The following CSNK2A1 variants were observed in gnomAD, a reference collection of about 807,000 sequenced individuals.
CSNK2A1 encodes casein kinase 2 alpha 1.
In CSNK2A1, 10 loss-of-function variants were observed where a neutral mutation model predicts 62.9. The ratio of observed to expected loss-of-function variants is 0.16; its 90% CI spans 0.10 to 0.27. CSNK2A1 has a LOEUF of 0.27. Among genes scored for constraint, CSNK2A1 ranks in the 10% least tolerant of loss-of-function variants. The pLI is 1.00. For synonymous variants in CSNK2A1, 124 were observed against 167.8 expected, an observed-to-expected ratio of 0.74 and a Z score of 2.02; for missense variants, 160 against 492.0, an observed-to-expected ratio of 0.33 and a Z score of 6.38.
chr20:504,496 G>C (rs1019163890), intron 4 of CSNK2A1: 3 of 152,108 alleles, frequency 2.0e-5, no homozygotes, highest in African/African-American at 7.2e-5. Flanking sequence ...TTAAAATCTT[G>C]AGCCAACACT....
At chr20:539,208 T>C (rs540907319) in intron 1 of CSNK2A1, 1 of 152,226 alleles carries the variant, frequency 6.6e-6, no homozygotes, top group East Asian at 1.9e-4. Flanking sequence ...CAGAAGTCAG[T>C]GGGCTTGACT....
chr20:486,910 T>C lies in CSNK2A1; in HGVS notation c.974-448A>G, dbSNP rs543981240. On this transcript the variant is annotated intron_variant, in intron 12 of 13. Coordinates refer to ENST00000217244, the MANE Select transcript of CSNK2A1 (RefSeq NM_177559.3). The stretch of plus-strand genomic sequence containing the variant: ...TCAGCCTATCTATCTGCTTCAGGTA[T>C]TGGGCAAAAGTATAAATGATTCAGT... The C allele has an allele frequency of 1.6e-5, 3 of 182,216 alleles. No individual in the cohort carries two copies. The South Asian group carries it at 3.7e-4, about 23-fold the overall frequency. The allele number at this position is 182,216 out of a possible 1,614,324, so 11.3% of individuals were successfully genotyped here.
At chr20:536,884 A>T (rs951405329) in intron 1 of CSNK2A1, among the ~76,000 whole-genome samples, 3 of 152,024 alleles carry the variant, frequency 2.0e-5, no homozygotes, top group African/African-American at 7.2e-5. Context: ...TGAATGAACA[A>T]CATCTTCTGA....
chr20:522,239 T>A (rs1490282489), intron 2 of CSNK2A1, among the ~76,000 whole-genome samples: 1 of 152,222 alleles, frequency 6.6e-6, no homozygotes, highest in African/African-American at 2.4e-5. Flanking sequence ...GCTTATTCAT[T>A]ACAAGGGTAT....
intron 2 of CSNK2A1, among the ~76,000 whole-genome samples, chr20:516,697 A>G (rs1460891622): frequency 1.3e-5 from 2 of 152,368 alleles, no homozygotes; most frequent in East Asian, 3.9e-4. Flanking sequence ...AAAACTATAC[A>G]AACAAGTTTG....
intron 3 of CSNK2A1, chr20:506,978 A>G (rs991986558): frequency 6.6e-6 from 1 of 152,208 alleles, no homozygotes; most frequent in Non-Finnish European, 1.5e-5. Context: ...ATAAGAGGAG[A>G]ATTGTTAGAT....
intron 8 of CSNK2A1, 52 bp downstream of exon 8, chr20:495,667 G>A: frequency 6.7e-7 from 1 of 1,486,666 alleles, no homozygotes; most frequent in Non-Finnish European, 9.4e-7. Flanking sequence ...TTGAAGATGG[G>A]CAATTAGCTA....
chr20:534,080 C>G (rs778053728), intron 1 of CSNK2A1, among the ~76,000 whole-genome samples: 5 of 152,180 alleles, frequency 3.3e-5, no homozygotes, highest in East Asian at 1.9e-4. Context: ...GTAATAACTA[C>G]TGTTACCATT....
chr20:481,646 T>C lies in CSNK2A1; in HGVS notation c.*2315A>G, dbSNP rs892571693. ...TTCACCTTCGGTTTATTCCAAGGTCTGATGGGTGTAAGGAGGTCCAGCTGT... is the reference window on the plus strand; with the variant it reads ...TTCACCTTCGGTTTATTCCAAGGTCCGATGGGTGTAAGGAGGTCCAGCTGT... On this transcript the variant is annotated 3_prime_UTR_variant, in exon 14 of 14. Coordinates refer to ENST00000217244, the MANE Select transcript of CSNK2A1 (RefSeq NM_177559.3). 1 of 152,144 alleles carries C rather than the reference T, an allele frequency of 6.6e-6. No homozygotes were observed. The highest frequency in any genetic ancestry group is 2.4e-5 in the African/African-American group (1 of 41,422). 9.4% of individuals were successfully genotyped at this position (152,144 alleles called of 1,614,324 possible). A position where few individuals can be genotyped will look rare whatever the true frequency, so the allele number is the denominator to read the frequency against.
chr20:524,829 A>C (rs1306623018), intron 2 of CSNK2A1, among the ~76,000 whole-genome samples: 1 of 152,152 alleles, frequency 6.6e-6, no homozygotes, highest in Non-Finnish European at 1.5e-5. Context: ...TTATGTATCA[A>C]TTAGAAATTA....
chr20:509,816 A>G (rs1227907793), intron 2 of CSNK2A1, among the ~76,000 whole-genome samples: 1 of 152,192 alleles, frequency 6.6e-6, no homozygotes, highest in Non-Finnish European at 1.5e-5. Context: ...GGCTCAAGCA[A>G]TCCTCCCACC....
intron 2 of CSNK2A1, among the ~76,000 whole-genome samples, chr20:513,687 T>G (rs982291558): frequency 2.0e-5 from 3 of 152,166 alleles, no homozygotes; most frequent in Non-Finnish European, 4.4e-5. Context: ...TTCAAGGCCC[T>G]GGCATCCTCT....
rs2018404705 is a variant in CSNK2A1 at position 499,059 on chromosome 20, AAAC to A, written c.366+193_366+195del. On this transcript the variant is annotated intron_variant, in intron 6 of 13. Transcript: ENST00000217244. This position sits in a 1 kb window ranked among gnomAD's most constrained non-coding sequence, Gnocchi z 4.2. ...TGTGTTGGTCATTAAAAAGAACATT[AAAC>A]AAATGGGCAAAATATCAAGATGCAG... The A allele has an allele frequency of 1.9e-5, 7 of 368,458 alleles. No homozygotes were observed. The highest frequency in any genetic ancestry group is 2.9e-5 in the Non-Finnish European group (6 of 205,388). 22.8% of individuals were successfully genotyped at this position (368,458 alleles called of 1,614,324 possible). A position where few individuals can be genotyped will look rare whatever the true frequency, so the allele number is the denominator to read the frequency against.
In CSNK2A1 at chr20:499,804, C is replaced by T. The variant is rs750386854; in HGVS notation, c.315+29G>A. On this transcript the variant is annotated intron_variant, in intron 5 of 13. Coordinates refer to ENST00000217244, the MANE Select transcript of CSNK2A1 (RefSeq NM_177559.3). The surrounding 1 kb of genome is among the most constrained non-coding windows in gnomAD (Gnocchi z 4.2). ...AGGTCAAACACCATCTCAGCTCTGG[C>T]GGGCCTTGCTAACACCTACTATACT... 1.3e-5 allele frequency: 21 copies of T among 1,604,306 alleles called. No individual in the cohort carries two copies. Among genetic ancestry groups the T allele is most frequent in the African/African-American group, 1.2e-4 (9 of 74,656 alleles).
intron 1 of CSNK2A1, among the ~76,000 whole-genome samples, chr20:542,039 C>G (rs1262650266): frequency 6.6e-6 from 1 of 152,174 alleles, no homozygotes; most frequent in Non-Finnish European, 1.5e-5. Context: ...AACCCTACAA[C>G]AACTACAAAG....
At chr20:520,190 G>A (rs182924919) in intron 2 of CSNK2A1, among the ~76,000 whole-genome samples, 1 of 152,024 alleles carries the variant, frequency 6.6e-6, no homozygotes, top group African/African-American at 2.4e-5. Flanking sequence ...AATATAAGTG[G>A]AATAAATTAT....
chr20:523,019 G>A (rs367727292), intron 2 of CSNK2A1, among the ~76,000 whole-genome samples: 3 of 152,194 alleles, frequency 2.0e-5, no homozygotes, highest in African/African-American at 7.2e-5. Flanking sequence ...ATGGCAAGAT[G>A]TGAACATTAG....
chr20:476,044 C>T lies in CSNK2A1; in HGVS notation c.*7917G>A, dbSNP rs1247136579. ...GAAAAAATTTGTCTGCAATGACTGG[C>T]TAGGAACCTGGACAGATTCCTGGCA... On this transcript the variant is annotated 3_prime_UTR_variant, in exon 14 of 14. Transcript: ENST00000217244. 6.6e-6 allele frequency: 1 copy of T among 152,284 alleles called. No homozygotes were observed. Among genetic ancestry groups the T allele is most frequent in the Non-Finnish European group, 1.5e-5 (1 of 68,098 alleles). 9.4% of individuals were successfully genotyped at this position (152,284 alleles called of 1,614,324 possible). A position where few individuals can be genotyped will look rare whatever the true frequency, so the allele number is the denominator to read the frequency against.
In CSNK2A1 at chr20:504,909, T is replaced by C. The variant is rs899862346; in HGVS notation, c.213+209A>G. 11 of 521,162 alleles carry C rather than the reference T, an allele frequency of 2.1e-5. No individual in the cohort carries two copies. The East Asian group carries it at 3.4e-4, about 16-fold the overall frequency. The allele number at this position is 521,162 out of a possible 1,614,324, so 32.3% of individuals were successfully genotyped here. On this transcript the variant is annotated intron_variant, in intron 4 of 13. Transcript: ENST00000217244. ...CCCTTACTCTGCCACAACCTAGCTA[T>C]ATGAGTCAACTCAAATCACTTCTCT...
Sources: gnomAD v4.1 joint callset for allele counts (sites outside exome capture counted in the v4.1 genomes callset) on GRCh38, gnomAD v4.1.1 for gene constraint, Gnocchi (gnomAD v3.1) non-coding constraint, MANE v1.5 for transcripts, NCBI Gene and HGNC (gene_info 2026-07-23, HGNC 2026-07-21) for gene names.